EPB41: variants seen among roughly 807,000 people sequenced by gnomAD.
EPB41 encodes protein 4.1.
A neutral mutation model predicts 108.0 loss-of-function variants in EPB41; 65 were observed. The ratio of observed to expected loss-of-function variants is 0.60; its 90% CI spans 0.49 to 0.74. EPB41 has a LOEUF of 0.74. Ranked by LOEUF, EPB41 falls within the 30% of genes least tolerant of loss-of-function variation. EPB41 has a pLI of 0.00. For synonymous variants in EPB41, 336 were observed against 358.9 expected, an observed-to-expected ratio of 0.94 and a Z score of 0.72; for missense variants, 875 against 1,037.0, an observed-to-expected ratio of 0.84 and a Z score of 2.15.
At chr1:28,917,729 C>T (rs1289399821) in intron 1 of EPB41, among the ~76,000 whole-genome samples, 2 of 151,958 alleles carry the variant, frequency 1.3e-5, no homozygotes, top group Admixed American at 6.6e-5. Context: ...TACAGACGTG[C>T]ACCACCATGC....
chr1:28,928,802 G>A (rs1331242247), intron 1 of EPB41, among the ~76,000 whole-genome samples: 1 of 152,052 alleles, frequency 6.6e-6, no homozygotes, highest in Non-Finnish European at 1.5e-5. Context: ...TGTTAAAGGG[G>A]GTGTCCTTTG....
At chr1:29,044,365 C>G (rs1343856913) in intron 11 of EPB41, among the ~76,000 whole-genome samples, 1 of 152,144 alleles carries the variant, frequency 6.6e-6, no homozygotes, top group Non-Finnish European at 1.5e-5. Context: ...TTGTCTTTTC[C>G]TGATAGCAAA....
chr1:29,040,345 C>T (rs979844757), intron 11 of EPB41, among the ~76,000 whole-genome samples: 9 of 151,786 alleles, frequency 5.9e-5, no homozygotes, highest in Non-Finnish European at 1.0e-4. Context: ...AGTGACTCAA[C>T]CTCGGCCCAC....
chr1:28,933,710 G>A (rs930659251), intron 1 of EPB41, among the ~76,000 whole-genome samples: 2 of 152,014 alleles, frequency 1.3e-5, no homozygotes, highest in African/African-American at 4.8e-5. Context: ...GGGTTTGTCT[G>A]ATTTTTTTCC....
chr1:29,106,010 A>C (rs1354250182), intron 17 of EPB41, among the ~76,000 whole-genome samples: 1 of 152,126 alleles, frequency 6.6e-6, no homozygotes, highest in Non-Finnish European at 1.5e-5. Flanking sequence ...TCGGCCTCCC[A>C]CAGTGCTGGG....
intron 6 of EPB41, among the ~76,000 whole-genome samples, chr1:29,016,401 C>T (rs2150032968): frequency 6.8e-6 from 1 of 147,992 alleles, no homozygotes; most frequent in Non-Finnish European, 1.5e-5. Context: ...GTTGGCCAGG[C>T]TGGTCTTGAA....
At chr1:29,116,150 CTTTTTTTTT>C (rs537469371) in intron 20 of EPB41, among the ~76,000 whole-genome samples, 1 of 113,772 alleles carries the variant, frequency 8.8e-6, no homozygotes, top group Admixed American at 1.0e-4. Context: ...ACAGGTCTCT[CTTTTTTTTT>C]TTTTTTTTTT....
At chr1:29,101,692 A>G (rs1193691048) in intron 17 of EPB41, among the ~76,000 whole-genome samples, 1 of 152,008 alleles carries the variant, frequency 6.6e-6, no homozygotes, top group African/African-American at 2.4e-5. Context: ...AAATAAATAA[A>G]CAAATAATGA....
At position 29,060,843 on chromosome 1, in the gene EPB41, C is replaced by T. The variant is rs575241327; in HGVS notation, c.2007+359C>T. ...ATATGTCCCAAGATGCAAATTTGCA[C>T]TATTCTTTCATTTTCTGAATTAAGA... On this transcript the variant is annotated intron_variant, in intron 15 of 20. Coordinates refer to ENST00000343067, the MANE Select transcript of EPB41 (RefSeq NM_001376013.1). Among the ~76,000 whole-genome samples, 98 of 152,128 alleles carry T rather than the reference C, an allele frequency of 6.4e-4. 1 individual carries two copies. In the Middle Eastern group the frequency reaches 0.01, roughly 16 times the overall value.
intron 12 of EPB41, among the ~76,000 whole-genome samples, chr1:29,055,201 C>T (rs1201684544): frequency 6.6e-6 from 1 of 152,160 alleles, no homozygotes; most frequent in Non-Finnish European, 1.5e-5. Context: ...GGTTCACTGT[C>T]AACAATGCCT....
chr1:29,021,141 A>G (rs1178220577), intron 7 of EPB41, among the ~76,000 whole-genome samples: 1 of 152,218 alleles, frequency 6.6e-6, no homozygotes, highest in African/African-American at 2.4e-5. Flanking sequence ...TTTAATCTTT[A>G]TAACCACCCT....
chr1:29,049,405 A>G (rs1644091757), intron 11 of EPB41, among the ~76,000 whole-genome samples: 1 of 152,222 alleles, frequency 6.6e-6, no homozygotes, highest in Non-Finnish European at 1.5e-5. Context: ...CAGTGGTTAC[A>G]GTGATTCTTG....
intron 7 of EPB41, among the ~76,000 whole-genome samples, chr1:29,024,950 T>C (rs943511190): frequency 1.3e-5 from 2 of 152,036 alleles, no homozygotes; most frequent in African/African-American, 4.8e-5. Context: ...AATTTAATTA[T>C]GTCCAACAAC....
intron 15 of EPB41, among the ~76,000 whole-genome samples, chr1:29,063,358 A>G (rs74065242): frequency 0.01 from 1,579 of 152,294 alleles, 31 homozygotes; most frequent in African/African-American, 0.035. Context: ...TGGGATAGCT[A>G]TAGGATTGCC....
chr1:29,015,638 A>G lies in EPB41; in HGVS notation c.830-54A>G. On this transcript the variant is annotated intron_variant, in intron 5 of 20. Transcript: ENST00000343067. ...TGTTTGAATATTTTGAGGTACTTCC[A>G]ACAATTAGAAACTTAGGTATAAACG... 3.7e-6 allele frequency: 4 copies of G among 1,089,682 alleles called. No individual in the cohort carries two copies. In the South Asian group the frequency reaches 3.9e-5, roughly 11 times the overall value. 67.5% of individuals were successfully genotyped at this position (1,089,682 alleles called of 1,614,324 possible). A position where few individuals can be genotyped will look rare whatever the true frequency, so the allele number is the denominator to read the frequency against.
chr1:29,082,434 T>C (rs1252540472), intron 16 of EPB41, among the ~76,000 whole-genome samples: 1 of 152,220 alleles, frequency 6.6e-6, no homozygotes, highest in African/African-American at 2.4e-5. Context: ...TCAAGGTAAC[T>C]GTTTTCTAGA....
intron 16 of EPB41, among the ~76,000 whole-genome samples, chr1:29,087,310 A>G (rs984002267): frequency 3.3e-5 from 5 of 152,118 alleles, no homozygotes; most frequent in African/African-American, 1.2e-4. Context: ...GAAAAGAAAT[A>G]GACTCTGGAT....
At chr1:28,904,699 G>T (rs552890276) in intron 1 of EPB41, among the ~76,000 whole-genome samples, 4 of 151,802 alleles carry the variant, frequency 2.6e-5, no homozygotes, top group Admixed American at 1.3e-4. Flanking sequence ...GGAGTTTGAG[G>T]CCAGCCTAGC....
chr1:29,045,344 G>A (rs906273504), intron 11 of EPB41, among the ~76,000 whole-genome samples: 3 of 151,796 alleles, frequency 2.0e-5, no homozygotes, highest in African/African-American at 7.3e-5. Context: ...CAGATTTGAT[G>A]TCATTTGCTA....
Sources: gnomAD v4.1 joint callset for allele counts (sites outside exome capture counted in the v4.1 genomes callset) on GRCh38, gnomAD v4.1.1 for gene constraint, MANE v1.5 for transcripts, NCBI Gene and HGNC (gene_info 2026-07-23, HGNC 2026-07-21) for gene names.